ABCC4: variants seen among roughly 807,000 people sequenced by gnomAD.
The protein encoded by ABCC4 is ATP binding cassette subfamily C member 4 (PEL blood group).
A neutral mutation model predicts 168.5 loss-of-function variants in ABCC4; 102 were observed. The observed-to-expected ratio is 0.61, with a 90% CI of 0.52 to 0.71. ABCC4 has a LOEUF of 0.71. Among genes scored for constraint, ABCC4 ranks in the 30% least tolerant of loss-of-function variants. The pLI, the probability that ABCC4 is intolerant of heterozygous loss-of-function variation, is 0.00. For missense variants in ABCC4, 1,402 were observed against 1,605.8 expected (o/e 0.87, Z 2.17); for synonymous variants, 617 against 590.7 (o/e 1.04, Z -0.65).
In ABCC4 at chr13:95,206,769, G is replaced by A. The variant is rs755036179; in HGVS notation, c.924C>T (p.Ser308=). The stretch of plus-strand genomic sequence containing the variant: ...TGAGGCAGGAACTTCTCAGAATCTT[G>A]GAAATCTCCTTCCTGAAAGAGAGTA... The part of the protein sequence containing the change: ...LITNLRKKEI[S]KILRSSCLRG... The change falls in exon 8 of 31, where the codon TCC becomes TCT. Residue 308 remains serine, a synonymous_variant. Transcript: ENST00000645237. 3.7e-6 allele frequency: 6 copies of A among 1,613,976 alleles called. No individual in the cohort carries two copies. Among genetic ancestry groups the A allele is most frequent in the African/African-American group, 1.3e-5 (1 of 75,010 alleles).
intron 1 of ABCC4, among the ~76,000 whole-genome samples, chr13:95,278,223 A>G (rs1439117316): frequency 6.6e-6 from 1 of 152,194 alleles, no homozygotes; most frequent in Non-Finnish European, 1.5e-5. Context: ...CTGTGCCCAC[A>G]GTTTGTGCTT....
intron 25 of ABCC4, among the ~76,000 whole-genome samples, chr13:95,069,519 AC>A (rs1256270952): frequency 2.0e-5 from 3 of 152,340 alleles, no homozygotes; most frequent in Non-Finnish European, 2.9e-5. Context: ...TATATTAAAT[AC>A]ATTCATGTTG....
At chr13:95,076,536 G>A (rs1348439910) in intron 21 of ABCC4, among the ~76,000 whole-genome samples, 4 of 145,908 alleles carry the variant, frequency 2.7e-5, no homozygotes, top group Non-Finnish European at 6.0e-5. Flanking sequence ...AGAGGGAGTT[G>A]CCGCCCTGCC....
chr13:95,132,791 T>C (rs2036015049), intron 19 of ABCC4, among the ~76,000 whole-genome samples: 1 of 152,124 alleles, frequency 6.6e-6, no homozygotes, highest in South Asian at 2.1e-4. Context: ...ATAAGGACAT[T>C]ACACGAAATA....
intron 1 of ABCC4, among the ~76,000 whole-genome samples, chr13:95,253,951 G>T (rs1166065461): frequency 1.3e-5 from 2 of 152,058 alleles, no homozygotes; most frequent in African/African-American, 4.8e-5. Flanking sequence ...GGAGTGCAGT[G>T]GCGCAATCAT....
intron 3 of ABCC4, among the ~76,000 whole-genome samples, chr13:95,241,979 G>A (rs1445538346): frequency 1.3e-5 from 2 of 152,098 alleles, no homozygotes; most frequent in Non-Finnish European, 2.9e-5. Flanking sequence ...GCTTGTGGGA[G>A]TTTATATTCT....
intron 16 of ABCC4, among the ~76,000 whole-genome samples, chr13:95,164,125 T>G (rs1469085855): frequency 1.3e-5 from 2 of 151,656 alleles, no homozygotes; most frequent in East Asian, 3.9e-4. Flanking sequence ...CTCAGGTCTG[T>G]GCCAAGCCCA....
chr13:95,245,122 T>C (rs1257641577), intron 3 of ABCC4, among the ~76,000 whole-genome samples: 8 of 152,280 alleles, frequency 5.3e-5, no homozygotes. Flanking sequence ...CCAGTCACCA[T>C]CTGTGGGTTA....
chr13:95,081,325 T>A (rs2034088291), intron 21 of ABCC4, among the ~76,000 whole-genome samples: 1 of 152,212 alleles, frequency 6.6e-6, no homozygotes. Context: ...TACGTCAAGA[T>A]GTTCCTTCTG....
rs138915174 is a variant in ABCC4, at chr13:95,032,225, C to T, written c.3870+2380G>A. 2.4e-3 allele frequency among the ~76,000 whole-genome samples: 363 copies of T among 152,326 alleles called. 1 individual carries two copies. The highest frequency in any genetic ancestry group is 6.3e-3 in the African/African-American group (262 of 41,564). Reference sequence around the variant, plus strand: ...TCCTAAAGCCAGGCTTGAATCCGGACTCTGCCTATAATTCTGCTAGCTATG... The same window carrying T: ...TCCTAAAGCCAGGCTTGAATCCGGATTCTGCCTATAATTCTGCTAGCTATG... On this transcript the variant is annotated intron_variant, in intron 30 of 30. Transcript: ENST00000645237.
intron 19 of ABCC4, among the ~76,000 whole-genome samples, chr13:95,153,982 AT>A (rs2036774693): frequency 6.7e-6 from 1 of 149,982 alleles, no homozygotes; most frequent in South Asian, 2.1e-4. Context: ...AACCATTGTT[AT>A]GTGAAAAAAA....
Position 95,034,891 on chromosome 13 carries a change from T to A in ABCC4, c.3736-152A>T. On this transcript the variant is annotated intron_variant, in intron 29 of 30. Coordinates refer to ENST00000645237, the MANE Select transcript of ABCC4 (RefSeq NM_005845.5). ...ATTTAAATGGTTTGATTACCCTGTT[T>A]TACGAAGCAAACAAAGGCCTAACCT... is the stretch of plus-strand genomic sequence containing the variant. The A allele has an allele frequency of 2.8e-6, 3 of 1,080,804 alleles. No individual in the cohort carries two copies. In the South Asian group the frequency reaches 4.5e-5, roughly 16 times the overall value. The allele number at this position is 1,080,804 out of a possible 1,614,324, so 67.0% of individuals were successfully genotyped here.
rs2032485307 is a variant in ABCC4, at chr13:95,044,318, T to C, written c.3577A>G (p.Arg1193Gly). 6.2e-7 allele frequency: 1 copy of C among 1,613,554 alleles called. No homozygotes were observed. Among genetic ancestry groups the C allele is most frequent in the Non-Finnish European group, 8.5e-7 (1 of 1,179,852 alleles). The part of the protein sequence containing the change: ...QLVCLARAIL[R>G]KNQILIIDEA... ...TCAATAATCAATATCTGATTTTTCC[T>C]GAGAATTGCCCTGGCAAGGCACACC... The change falls in exon 28 of 31, where the codon AGG becomes GGG. Residue 1193 changes from arginine to glycine, a missense_variant. By Grantham distance (125) the Arg-to-Gly change is moderately radical. Transcript: ENST00000645237.
chr13:95,104,200 C>T (rs890532721), intron 20 of ABCC4, among the ~76,000 whole-genome samples: 10 of 152,112 alleles, frequency 6.6e-5, no homozygotes, highest in Non-Finnish European at 1.0e-4. Flanking sequence ...CTCACTGCAA[C>T]CTCCACCTCC....
At position 95,208,653 on chromosome 13, in the gene ABCC4, C is replaced by T. The variant is rs1169629907; in HGVS notation, c.786-728G>A. ...TTTTTTTTTTTGAGACAGAGTCTCA[C>T]TCTGTCACCCAGGCTGGAGTGCAGT... is the stretch of plus-strand genomic sequence containing the variant. On this transcript the variant is annotated intron_variant, in intron 6 of 30. Transcript: ENST00000645237. Among the ~76,000 whole-genome samples, 5 of 122,290 alleles carry T rather than the reference C, an allele frequency of 4.1e-5. No homozygotes were observed. In the Admixed American group the frequency reaches 4.1e-4, roughly 10 times the overall value. The allele number at this position is 122,290 out of a possible 152,430, so 80.2% of individuals were successfully genotyped here.
chr13:95,172,392 G>A (rs534481274), intron 13 of ABCC4, among the ~76,000 whole-genome samples: 5 of 152,098 alleles, frequency 3.3e-5, no homozygotes. Context: ...GCAACACGGT[G>A]AAATCCCATC....
At chr13:95,157,023 C>T (rs1357061556) in intron 19 of ABCC4, among the ~76,000 whole-genome samples, 2 of 150,964 alleles carry the variant, frequency 1.3e-5, no homozygotes, top group African/African-American at 2.4e-5. Context: ...ACCTGGGAGC[C>T]GGAGGTTGCT....
chr13:95,234,856 C>G, intron 3 of ABCC4, 22 bp from the exon 4 acceptor site: 12 of 1,483,040 alleles, frequency 8.1e-6, no homozygotes, highest in Non-Finnish European at 1.1e-5. Context: ...AAAAGAAAAG[C>G]CTTTAATTAG....
intron 21 of ABCC4, among the ~76,000 whole-genome samples, chr13:95,076,640 T>C (rs1359277133): frequency 1.3e-5 from 2 of 152,074 alleles, no homozygotes; most frequent in Non-Finnish European, 2.9e-5. Flanking sequence ...AATTTTTGAA[T>C]TTTTAGTAGA....
Sources: allele counts gnomAD v4.1 joint callset (sites outside exome capture counted in the v4.1 genomes callset), GRCh38; gene constraint gnomAD v4.1.1; transcripts MANE v1.5; gene names NCBI Gene and HGNC (gene_info 2026-07-23, HGNC 2026-07-21).